The following NOS1AP variants were observed in gnomAD, a reference collection of about 807,000 sequenced individuals.
The protein encoded by NOS1AP is nitric oxide synthase 1 adaptor protein, also known as carboxyl-terminal PDZ ligand of neuronal nitric oxide synthase protein.
A neutral mutation model predicts 56.2 loss-of-function variants in NOS1AP; 21 were observed. The ratio of observed to expected loss-of-function variants is 0.37; its 90% CI spans 0.26 to 0.54. NOS1AP has a LOEUF of 0.54. Ranked by LOEUF, NOS1AP falls within the 20% of genes least tolerant of loss-of-function variation. The probability of loss-of-function intolerance (pLI) is 0.84; values close to 1 mark genes in which losing one functional copy is unlikely to be tolerated. For missense variants in NOS1AP, 522 were observed against 657.8 expected (o/e 0.79, Z 2.26); for synonymous variants, 270 against 274.6 (o/e 0.98, Z 0.17).
At chr1:162,141,495 C>T (rs912847528) in intron 1 of NOS1AP, among the ~76,000 whole-genome samples, 2 of 152,164 alleles carry the variant, frequency 1.3e-5, no homozygotes, top group Non-Finnish European at 2.9e-5. Context: ...AGATGTGGGG[C>T]CAAAAGACCT....
At chr1:162,227,178 C>T (rs533195160) in intron 2 of NOS1AP, among the ~76,000 whole-genome samples, 6 of 152,216 alleles carry the variant, frequency 3.9e-5, no homozygotes, top group Non-Finnish European at 8.8e-5. Flanking sequence ...TAGATTCTTC[C>T]AGTCTTTCCC....
intron 6 of NOS1AP, among the ~76,000 whole-genome samples, chr1:162,352,818 G>A (rs556330610): frequency 1.6e-4 from 24 of 152,070 alleles, no homozygotes; most frequent in Non-Finnish European, 3.2e-4. Flanking sequence ...CTAAGGCTTC[G>A]ACATATGAAC....
At chr1:162,129,272 TG>T (rs1278944278) in intron 1 of NOS1AP, among the ~76,000 whole-genome samples, 1 of 152,156 alleles carries the variant, frequency 6.6e-6, no homozygotes, top group East Asian at 1.9e-4. Context: ...ACATGCCTTG[TG>T]TTATTGTATA....
intron 2 of NOS1AP, among the ~76,000 whole-genome samples, chr1:162,186,454 G>A (rs1203082202): frequency 6.6e-6 from 1 of 151,820 alleles, no homozygotes; most frequent in Non-Finnish European, 1.5e-5. Flanking sequence ...CTCTCCCACT[G>A]GCCAGAAATA....
At chr1:162,332,410 T>C (rs928788796) in intron 4 of NOS1AP, among the ~76,000 whole-genome samples, 2 of 152,344 alleles carry the variant, frequency 1.3e-5, no homozygotes, top group African/African-American at 4.8e-5. Flanking sequence ...GCTTTTTCTG[T>C]CCTGTTCCTG....
chr1:162,093,393 C>G (rs1360499732), intron 1 of NOS1AP, among the ~76,000 whole-genome samples: 1 of 152,156 alleles, frequency 6.6e-6, no homozygotes, highest in African/African-American at 2.4e-5. Context: ...TTGGTATACC[C>G]TGTGGACTTT....
intron 1 of NOS1AP, among the ~76,000 whole-genome samples, chr1:162,135,960 T>C (rs1265195378): frequency 6.6e-6 from 1 of 152,228 alleles, no homozygotes; most frequent in African/African-American, 2.4e-5. Context: ...TCTAGTGTTG[T>C]AGAGGAATAT....
intron 9 of NOS1AP, 64 bp from the exon 10 acceptor site, chr1:162,366,988 G>A: frequency 6.3e-6 from 10 of 1,595,742 alleles, no homozygotes; most frequent in Non-Finnish European, 8.6e-6. Flanking sequence ...GGCAGAAGGC[G>A]GGCATCCCAA....
chr1:162,300,497 G>A (rs1655613123), intron 3 of NOS1AP, 136 bp from the exon 4 acceptor site: 1 of 775,792 alleles, frequency 1.3e-6, no homozygotes, highest in South Asian at 1.4e-5. Context: ...TCGTCGTTTT[G>A]GAGCAATCAA....
In NOS1AP at chr1:162,297,537, T is replaced by C. The variant is rs571562522; in HGVS notation, c.271-3096T>C. Among the ~76,000 whole-genome samples, 47 of 152,200 alleles carry C rather than the reference T, an allele frequency of 3.1e-4. 1 individual carries two copies. Among genetic ancestry groups the C allele is most frequent in the African/African-American group, 1.1e-3 (46 of 41,528 alleles). On this transcript the variant is annotated intron_variant, in intron 3 of 9. Coordinates refer to ENST00000361897, the MANE Select transcript of NOS1AP (RefSeq NM_014697.3). ...GTGGTGTGTGAAAGAGAGCTTCCGGTTGAGGATTTCAGTCCAGTCTTTCTT... is the reference window on the plus strand; with the variant it reads ...GTGGTGTGTGAAAGAGAGCTTCCGGCTGAGGATTTCAGTCCAGTCTTTCTT...
At chr1:162,160,429 A>G (rs572447160) in intron 2 of NOS1AP, among the ~76,000 whole-genome samples, 2 of 152,302 alleles carry the variant, frequency 1.3e-5, no homozygotes, top group South Asian at 4.1e-4. Flanking sequence ...CTCTTGGGAG[A>G]ACATAACTGA....
chr1:162,126,765 C>G (rs1648508145), intron 1 of NOS1AP, among the ~76,000 whole-genome samples: 1 of 152,268 alleles, frequency 6.6e-6, no homozygotes, highest in South Asian at 2.1e-4. Context: ...TAACCATGTG[C>G]ATAAATAATT....
At chr1:162,080,181 GCAT>G (rs777389134) in intron 1 of NOS1AP, among the ~76,000 whole-genome samples, 35 of 152,228 alleles carry the variant, frequency 2.3e-4, no homozygotes, top group South Asian at 6.2e-4. Context: ...TTTATATTCA[GCAT>G]CATGTTTCCT....
At chr1:162,356,212 C>T (rs1657700538) in intron 7 of NOS1AP, among the ~76,000 whole-genome samples, 1 of 152,168 alleles carries the variant, frequency 6.6e-6, no homozygotes, top group South Asian at 2.1e-4. Context: ...CTGAAGAAGT[C>T]CCCACAGCAG....
At chr1:162,356,429 G>A (rs1170946410) in intron 7 of NOS1AP, among the ~76,000 whole-genome samples, 2 of 152,176 alleles carry the variant, frequency 1.3e-5, no homozygotes, top group African/African-American at 2.4e-5. Context: ...AGGCAGTGGA[G>A]GGCAGGAGGT....
intron 1 of NOS1AP, among the ~76,000 whole-genome samples, chr1:162,149,197 GC>G (rs988649362): frequency 1.3e-5 from 2 of 152,232 alleles, no homozygotes; most frequent in African/African-American, 4.8e-5. Flanking sequence ...GTGATCAACT[GC>G]CACCAGTGTA....
intron 1 of NOS1AP, among the ~76,000 whole-genome samples, chr1:162,107,315 C>A (rs1228951907): frequency 6.6e-6 from 1 of 152,094 alleles, no homozygotes; most frequent in East Asian, 1.9e-4. Context: ...TTGGTTTGGT[C>A]ATGGAAACAT....
At chr1:162,236,973 C>T (rs1233469838) in intron 2 of NOS1AP, among the ~76,000 whole-genome samples, 1 of 152,180 alleles carries the variant, frequency 6.6e-6, no homozygotes, top group Non-Finnish European at 1.5e-5. Flanking sequence ...TGGATAACCC[C>T]CAGCTCTCCT....
chr1:162,182,983 T>C (rs1651311870), intron 2 of NOS1AP, among the ~76,000 whole-genome samples: 1 of 152,226 alleles, frequency 6.6e-6, no homozygotes. Context: ...TCCAGAATGA[T>C]TAATCTTTTC....
Sources: gnomAD v4.1 joint callset for allele counts (sites outside exome capture counted in the v4.1 genomes callset) on GRCh38, gnomAD v4.1.1 for gene constraint, MANE v1.5 for transcripts, NCBI Gene and HGNC (gene_info 2026-07-23, HGNC 2026-07-21) for gene names.